ACTR3: variants seen among roughly 807,000 people sequenced by gnomAD.
The protein encoded by ACTR3 is actin-related protein 3.
A neutral mutation model predicts 56.8 loss-of-function variants in ACTR3; 12 were observed. That is an observed-to-expected ratio of 0.21 (90% CI 0.14 to 0.34). The LOEUF (loss-of-function observed/expected upper bound fraction) is 0.34, where lower values mean the gene tolerates loss of function less well. Among genes scored for constraint, ACTR3 ranks in the 10% least tolerant of loss-of-function variants. The probability of loss-of-function intolerance (pLI) is 1.00; values close to 1 mark genes in which losing one functional copy is unlikely to be tolerated. For synonymous variants in ACTR3, 162 were observed against 167.4 expected (o/e 0.97, Z 0.25); for missense variants, 282 against 512.5 (o/e 0.55, Z 4.34).
chr2:113,957,515 C>A lies in ACTR3; in HGVS notation c.*60C>A, dbSNP rs761874854. Reference sequence around the variant, plus strand: ...GGGAAGAGATAATCTTTCTGATTACCTGTTTTGTCTGGATGGCTGGTTTTG... The same window carrying A: ...GGGAAGAGATAATCTTTCTGATTACATGTTTTGTCTGGATGGCTGGTTTTG... On this transcript the variant is annotated 3_prime_UTR_variant, in exon 12 of 12. Transcript: ENST00000263238. 3.3e-4 allele frequency: 448 copies of A among 1,368,966 alleles called. 1 individual carries two copies. Among genetic ancestry groups the A allele is most frequent in the South Asian group, 7.2e-4 (62 of 85,544 alleles). The allele number at this position is 1,368,966 out of a possible 1,614,324, so 84.8% of individuals were successfully genotyped here. A position where few individuals can be genotyped will look rare whatever the true frequency, so the allele number is the denominator to read the frequency against.
At chr2:113,894,869 T>C (rs1305549862) in intron 1 of ACTR3, among the ~76,000 whole-genome samples, 1 of 152,234 alleles carries the variant, frequency 6.6e-6, no homozygotes, top group Admixed American at 6.5e-5. Context: ...ATTTAAGTCC[T>C]GTGTTCTTTC....
intron 5 of ACTR3, 67 bp from the exon 6 acceptor site, chr2:113,934,212 G>A (rs1250246577): frequency 3.9e-6 from 4 of 1,024,888 alleles, no homozygotes; most frequent in South Asian, 1.6e-5. Context: ...TTTTTTTTTC[G>A]ATTAACTCTT....
chr2:113,941,293 A>AT (rs1679920342), intron 7 of ACTR3, among the ~76,000 whole-genome samples: 1 of 152,258 alleles, frequency 6.6e-6, no homozygotes, highest in African/African-American at 2.4e-5. Flanking sequence ...AATCTGTGAA[A>AT]TTAAAGCAAA....
chr2:113,934,363 G>A lies in ACTR3; in HGVS notation c.517G>A (p.Gly173Ser). ...LTGTVIDSGD[G>S]VTHVIPVAEG... is the part of the protein sequence containing the mutation. ...CGGTACGGTAATAGACAGTGGAGAT[G>A]GTGTCACTCATGTCATTCCTGTGGT... The change falls in exon 6 of 12, where the codon GGT becomes AGT. Residue 173 changes from glycine (G) to serine (S), a missense_variant. Physicochemically the swap from Gly to Ser is moderately conservative, Grantham distance 56 (BLOSUM62 0). Transcript: ENST00000263238. 1 of 1,597,000 alleles carries A rather than the reference G, an allele frequency of 6.3e-7. No homozygotes were observed. The highest frequency in any genetic ancestry group is 8.5e-7 in the Non-Finnish European group (1 of 1,174,032).
At chr2:113,892,013 G>A (rs1348166760) in intron 1 of ACTR3, among the ~76,000 whole-genome samples, 1 of 152,100 alleles carries the variant, frequency 6.6e-6, no homozygotes, top group South Asian at 2.1e-4. Flanking sequence ...TTAAAGTGAC[G>A]AATATTGCTA....
intron 1 of ACTR3, 153 bp downstream of exon 1, chr2:113,890,476 C>A: frequency 7.8e-7 from 1 of 1,285,446 alleles, no homozygotes; most frequent in South Asian, 1.6e-5. Flanking sequence ...GGGCCCGCAG[C>A]CAGGGCCTCG....
chr2:113,945,252 A>C (rs1316584629), intron 8 of ACTR3, among the ~76,000 whole-genome samples: 1 of 152,230 alleles, frequency 6.6e-6, no homozygotes, highest in East Asian at 1.9e-4. Context: ...TAACACTGAC[A>C]GACTTAAAAT....
intron 3 of ACTR3, among the ~76,000 whole-genome samples, chr2:113,923,690 C>G (rs1559472760): frequency 6.7e-6 from 1 of 149,766 alleles, no homozygotes; most frequent in Non-Finnish European, 1.5e-5. Context: ...CCTTTACCCA[C>G]TACTCAAACG....
intron 1 of ACTR3, among the ~76,000 whole-genome samples, chr2:113,901,513 T>C (rs773411648): frequency 3.9e-5 from 6 of 152,254 alleles, no homozygotes; most frequent in South Asian, 2.1e-4. Context: ...GGTAATCATA[T>C]CTTACATAAA....
chr2:113,929,847 T>G (rs942769264), intron 4 of ACTR3, among the ~76,000 whole-genome samples: 1 of 151,798 alleles, frequency 6.6e-6, no homozygotes, highest in Non-Finnish European at 1.5e-5. Context: ...CCTGGCTAAC[T>G]TTTGTAATTT....
intron 8 of ACTR3, among the ~76,000 whole-genome samples, chr2:113,949,437 A>G (rs981271745): frequency 2.0e-5 from 3 of 151,828 alleles, no homozygotes; most frequent in Admixed American, 6.6e-5. Flanking sequence ...ATAATTATCA[A>G]TACAGTTATA....
intron 6 of ACTR3, among the ~76,000 whole-genome samples, chr2:113,937,850 G>A (rs565557129): frequency 6.6e-6 from 1 of 152,058 alleles, no homozygotes; most frequent in African/African-American, 2.4e-5. Context: ...TCTCCTTGGG[G>A]TTCATTGAGC....
intron 6 of ACTR3, among the ~76,000 whole-genome samples, chr2:113,936,569 A>G (rs1654315708): frequency 6.6e-6 from 1 of 152,020 alleles, no homozygotes; most frequent in African/African-American, 2.4e-5. Context: ...AACAGCTTTG[A>G]CCTTCTAGTC....
chr2:113,916,681 TGTCTC>T (rs1218569330), intron 2 of ACTR3, among the ~76,000 whole-genome samples, 198 bp from the exon 3 acceptor site: 2 of 152,216 alleles, frequency 1.3e-5, no homozygotes, highest in Non-Finnish European at 2.9e-5. Context: ...TTTGAGGTCT[TGTCTC>T]TGAGTGGAAG....
intron 3 of ACTR3, among the ~76,000 whole-genome samples, chr2:113,921,991 A>G (rs1679520888): frequency 6.6e-6 from 1 of 152,214 alleles, no homozygotes; most frequent in African/African-American, 2.4e-5. Context: ...ATGTAGAGGT[A>G]AACACTGTAG....
At chr2:113,890,814 C>T (rs1371820825) in intron 1 of ACTR3, 2 of 994,446 alleles carry the variant, frequency 2.0e-6, no homozygotes, top group African/African-American at 1.7e-5. Flanking sequence ...AACATTCTGC[C>T]CAGGGTGTGG....
At chr2:113,930,288 A>G (rs1054938057) in intron 4 of ACTR3, among the ~76,000 whole-genome samples, 4 of 152,154 alleles carry the variant, frequency 2.6e-5, no homozygotes, top group Non-Finnish European at 5.9e-5. Flanking sequence ...TAAACACCAC[A>G]GGGAGTTTAG....
intron 6 of ACTR3, among the ~76,000 whole-genome samples, chr2:113,939,110 G>A (rs1455097620): frequency 1.3e-5 from 2 of 150,910 alleles, no homozygotes; most frequent in East Asian, 2.0e-4. Context: ...TGCAAGCTCC[G>A]CCTCCCGGGT....
chr2:113,912,706 C>T (rs1039434737), intron 1 of ACTR3, among the ~76,000 whole-genome samples: 2 of 152,188 alleles, frequency 1.3e-5, no homozygotes, highest in South Asian at 4.1e-4. Context: ...ACAGATATAC[C>T]ATACTTGATA....
Sources: allele counts gnomAD v4.1 joint callset (sites outside exome capture counted in the v4.1 genomes callset), GRCh38; gene constraint gnomAD v4.1.1; transcripts MANE v1.5; gene names NCBI Gene and HGNC (gene_info 2026-07-23, HGNC 2026-07-21).